Variants in PIK3CG observed in about 807,000 individuals in gnomAD.
The protein encoded by PIK3CG is phosphatidylinositol-4,5-bisphosphate 3-kinase catalytic subunit gamma.
Under a neutral mutation model 102.3 loss-of-function variants are expected in PIK3CG, and 55 were observed. The ratio of observed to expected loss-of-function variants is 0.54; its 90% CI spans 0.43 to 0.67. PIK3CG has a LOEUF of 0.67. PIK3CG is among the 30% of genes least tolerant of loss of function. PIK3CG has a pLI of 0.00. For missense variants in PIK3CG, 1,258 were observed against 1,391.8 expected (o/e 0.90, Z 1.53); for synonymous variants, 552 against 540.0 (o/e 1.02, Z -0.31).
intron 10 of PIK3CG, 39 bp downstream of exon 10, chr7:106,886,331 G>A (rs778369616): frequency 3.7e-6 from 6 of 1,606,478 alleles, no homozygotes; most frequent in East Asian, 2.2e-5. Flanking sequence ...GAATAGCACC[G>A]AAGCAGATGG....
chr7:106,886,563 A>G (rs1042122686), intron 10 of PIK3CG, among the ~76,000 whole-genome samples: 2 of 152,212 alleles, frequency 1.3e-5, no homozygotes, highest in Non-Finnish European at 2.9e-5. Context: ...GTGGAACACC[A>G]GGATGATGCT....
intron 9 of PIK3CG, among the ~76,000 whole-genome samples, chr7:106,885,144 G>A (rs1245816049): frequency 6.6e-6 from 1 of 152,102 alleles, no homozygotes; most frequent in South Asian, 2.1e-4. Flanking sequence ...CCTGTCCATG[G>A]CCCAGGGGTT....
intron 10 of PIK3CG, among the ~76,000 whole-genome samples, chr7:106,887,902 C>G (rs1052316673): frequency 1.3e-5 from 2 of 148,446 alleles, no homozygotes; most frequent in Non-Finnish European, 3.0e-5. Context: ...ATCAGACATA[C>G]GCAAGGAATT....
At position 106,872,543 on chromosome 7, in the gene PIK3CG, A is replaced by G; in HGVS notation, c.2002A>G (p.Lys668Glu). ...HYLLQLVQAV[K>E]FEPYHDSALA... The stretch of plus-strand genomic sequence containing the variant: ...CAATGTGTTCTTCCTTTAGGCTGTG[A>G]AATTTGAACCATACCATGATAGCGC... The change falls in exon 3 of 11, where the codon AAA (lysine) becomes GAA (glutamate). Residue 668 changes from lysine to glutamate, a missense_variant. Lys to Glu is a moderately conservative substitution (Grantham distance 56). This residue lies in a region of PIK3CG where 426 missense variants were observed against 604.2 expected (regional missense o/e 0.71). Coordinates refer to ENST00000496166, the MANE Select transcript of PIK3CG (RefSeq NM_001282426.2). The surrounding 1 kb of genome is among the most constrained non-coding windows in gnomAD (Gnocchi z 5.3). 1 of 1,613,350 alleles carries G rather than the reference A, an allele frequency of 6.2e-7. No individual in the cohort carries two copies. The highest frequency in any genetic ancestry group is 8.5e-7 in the Non-Finnish European group (1 of 1,179,240).
In PIK3CG at chr7:106,890,866, C is replaced by T. The variant is rs1001548142; in HGVS notation, c.3030+4574C>T. On this transcript the variant is annotated intron_variant, in intron 10 of 10. Transcript: ENST00000496166. The surrounding 1 kb of genome is among the most constrained non-coding windows in gnomAD (Gnocchi z 4.2). ...CTGTGGCCTTCCTCCACATCTTCCC[C>T]CATCCCAGCTACCCACTGCTTTCTT... 3.9e-5 allele frequency among the ~76,000 whole-genome samples: 6 copies of T among 152,216 alleles called. No homozygotes were observed. Among genetic ancestry groups the T allele is most frequent in the African/African-American group, 1.2e-4 (5 of 41,454 alleles).
intron 9 of PIK3CG, among the ~76,000 whole-genome samples, chr7:106,885,843 CAG>C (rs2116558300): frequency 6.6e-6 from 1 of 152,128 alleles, no homozygotes; most frequent in South Asian, 2.1e-4. Flanking sequence ...ACATAGTGGC[CAG>C]AGAGTTTGAT....
In PIK3CG at chr7:106,872,140, C is replaced by T. The variant is rs1255762605; in HGVS notation, c.1996-397C>T. On this transcript the variant is annotated intron_variant, in intron 2 of 10. Coordinates refer to ENST00000496166, the MANE Select transcript of PIK3CG (RefSeq NM_001282426.2). This position sits in a 1 kb window ranked among gnomAD's most constrained non-coding sequence, Gnocchi z 5.3. ...ATACTATATCTCCACTGTCCATTTT[C>T]TTTCTCACATTCTCTCTTACCTTCC... Among the ~76,000 whole-genome samples the T allele has an allele frequency of 6.6e-6, 1 of 152,164 alleles. No homozygotes were observed. The highest frequency in any genetic ancestry group is 1.5e-5 in the Non-Finnish European group (1 of 68,018).
intron 5 of PIK3CG, among the ~76,000 whole-genome samples, chr7:106,878,694 C>T (rs547314689): frequency 5.9e-5 from 9 of 152,272 alleles, no homozygotes; most frequent in Admixed American, 3.3e-4. Context: ...CGGCAACTCC[C>T]GTAGCAGCGA....
chr7:106,874,902 G>A lies in PIK3CG; in HGVS notation c.2391+99G>A. 1 of 724,440 alleles carries A rather than the reference G, an allele frequency of 1.4e-6. No homozygotes were observed. The highest frequency in any genetic ancestry group is 2.3e-6 in the Non-Finnish European group (1 of 427,818). The allele number at this position is 724,440 out of a possible 1,614,324, so 44.9% of individuals were successfully genotyped here. A position where few individuals can be genotyped will look rare whatever the true frequency, so the allele number is the denominator to read the frequency against. On this transcript the variant is annotated intron_variant, in intron 5 of 10. Coordinates refer to ENST00000496166, the MANE Select transcript of PIK3CG (RefSeq NM_001282426.2). The surrounding 1 kb of genome is among the most constrained non-coding windows in gnomAD (Gnocchi z 4.3). ...ACTTAAAAGCTAATGTTTATGCAGA[G>A]ACAGGGAAGCTGGAGAGTCTCTGGA...
Position 106,868,152 on chromosome 7 carries a change from C to T in PIK3CG, c.591C>T (p.Ala197=), listed in dbSNP as rs2116432161. The T allele has an allele frequency of 1.2e-6, 2 of 1,613,308 alleles. No individual in the cohort carries two copies. Among genetic ancestry groups the T allele is most frequent in the Non-Finnish European group, 1.7e-6 (2 of 1,180,030 alleles). The change falls in exon 2 of 11, where the codon GCC becomes GCT. Residue 197 remains alanine, a synonymous_variant. Transcript: ENST00000496166. The surrounding 1 kb of genome is among the most constrained non-coding windows in gnomAD (Gnocchi z 6.2). ...CCAGCCGCGACCCCAAGCTCTACGC[C>T]ATGCACCCGTGGGTGACGTCCAAGC... ...EVASRDPKLY[A]MHPWVTSKPL... is the part of the protein sequence containing the mutation.
At position 106,890,329 on chromosome 7, in the gene PIK3CG, C is replaced by T. The variant is rs1206203800; in HGVS notation, c.3030+4037C>T. 6.6e-6 allele frequency among the ~76,000 whole-genome samples: 1 copy of T among 151,984 alleles called. No homozygotes were observed. Among genetic ancestry groups the T allele is most frequent in the Non-Finnish European group, 1.5e-5 (1 of 67,992 alleles). ...TCCAAGTAGCTGGGACTACAGGCGC[C>T]TGCCACCACATCCAGCTAATTTTTC... On this transcript the variant is annotated intron_variant, in intron 10 of 10. Transcript: ENST00000496166. The surrounding 1 kb of genome is among the most constrained non-coding windows in gnomAD (Gnocchi z 4.2).
rs1454870911 is a variant in PIK3CG at position 106,890,146 on chromosome 7, G to GT, written c.3030+3860dup. 1.3e-5 allele frequency among the ~76,000 whole-genome samples: 2 copies of GT among 152,176 alleles called. No homozygotes were observed. The highest frequency in any genetic ancestry group is 2.9e-5 in the Non-Finnish European group (2 of 68,030). On this transcript the variant is annotated intron_variant, in intron 10 of 10. Coordinates refer to ENST00000496166, the MANE Select transcript of PIK3CG (RefSeq NM_001282426.2). This position sits in a 1 kb window ranked among gnomAD's most constrained non-coding sequence, Gnocchi z 4.2. ...TTGGCAAATGAAATTTGGCTTCTAA[G>GT]TTTTTTAAATGTCAGAATGTGTTTT...
In PIK3CG at chr7:106,891,290, C is replaced by A. The variant is rs892721507; in HGVS notation, c.3030+4998C>A. 6.6e-6 allele frequency among the ~76,000 whole-genome samples: 1 copy of A among 152,178 alleles called. No homozygotes were observed. The highest frequency in any genetic ancestry group is 1.5e-5 in the Non-Finnish European group (1 of 68,040). On this transcript the variant is annotated intron_variant, in intron 10 of 10. Coordinates refer to ENST00000496166, the MANE Select transcript of PIK3CG (RefSeq NM_001282426.2). The surrounding 1 kb of genome is among the most constrained non-coding windows in gnomAD (Gnocchi z 4.4). ...AATAACTCAGGCCCAGATTGACAGA[C>A]CATCATCACATGGAAGGTAATAAGC...
In PIK3CG at chr7:106,905,572, A is replaced by G. The variant is rs750722485; in HGVS notation, c.*185A>G. On this transcript the variant is annotated 3_prime_UTR_variant, in exon 11 of 11. Transcript: ENST00000496166. This position sits in a 1 kb window ranked among gnomAD's most constrained non-coding sequence, Gnocchi z 5.6. ...GGCATTGCTGATTGTTTGGTTAAGC[A>G]ATGTCCAGTGCTAGGATTATTTGCA... 14 of 611,630 alleles carry G rather than the reference A, an allele frequency of 2.3e-5. No homozygotes were observed. Among genetic ancestry groups the G allele is most frequent in the Non-Finnish European group, 3.7e-5 (13 of 350,888 alleles). 37.9% of individuals were successfully genotyped at this position (611,630 alleles called of 1,614,324 possible). A position where few individuals can be genotyped will look rare whatever the true frequency, so the allele number is the denominator to read the frequency against.
chr7:106,891,897 C>G lies in PIK3CG; in HGVS notation c.3030+5605C>G, dbSNP rs944322299. 5.3e-5 allele frequency among the ~76,000 whole-genome samples: 8 copies of G among 152,140 alleles called. No homozygotes were observed. The highest frequency in any genetic ancestry group is 8.8e-5 in the Non-Finnish European group (6 of 68,006). ...GCCAGCGTATACCCAAGCCTCCAAC[C>G]TGGAGGCTCAGCCACATGCCCAGTC... On this transcript the variant is annotated intron_variant, in intron 10 of 10. Transcript: ENST00000496166. This position sits in a 1 kb window ranked among gnomAD's most constrained non-coding sequence, Gnocchi z 4.4.
In PIK3CG at chr7:106,903,783, G is replaced by C. The variant is rs1259207542; in HGVS notation, c.3031-1326G>C. On this transcript the variant is annotated intron_variant, in intron 10 of 10. Coordinates refer to ENST00000496166, the MANE Select transcript of PIK3CG (RefSeq NM_001282426.2). The surrounding 1 kb of genome is among the most constrained non-coding windows in gnomAD (Gnocchi z 4.3). Reference sequence around the variant, plus strand: ...TTATTTATTTATTTATTTAGAGACAGAGTCTCACTCTGTTGCCTACTTTGG... The same window carrying C: ...TTATTTATTTATTTATTTAGAGACACAGTCTCACTCTGTTGCCTACTTTGG... Among the ~76,000 whole-genome samples the C allele has an allele frequency of 6.6e-6, 1 of 151,532 alleles. No homozygotes were observed. The highest frequency in any genetic ancestry group is 2.4e-5 in the African/African-American group (1 of 41,210).
At chr7:106,873,627 T>C (rs1390698983) in intron 4 of PIK3CG, among the ~76,000 whole-genome samples, 1 of 152,142 alleles carries the variant, frequency 6.6e-6, no homozygotes, top group African/African-American at 2.4e-5. Flanking sequence ...CTATACCATT[T>C]TATATCAGGG....
rs756732301 is a variant in PIK3CG at position 106,879,588 on chromosome 7, A to G, written c.2461A>G (p.Thr821Ala). 1.2e-6 allele frequency: 2 copies of G among 1,612,686 alleles called. No individual in the cohort carries two copies. Among genetic ancestry groups the G allele is most frequent in the Non-Finnish European group, 1.7e-6 (2 of 1,178,630 alleles). ...GCTTGAGTTTAAATGTGCCGATCCTACAGCCCTATCAAATGAAACAATTGG... is the reference window on the plus strand; with the variant it reads ...GCTTGAGTTTAAATGTGCCGATCCTGCAGCCCTATCAAATGAAACAATTGG... The part of the protein sequence containing the change: ...LWLEFKCADP[T>A]ALSNETIGII... Residue 821 changes from threonine to alanine, a missense_variant, in exon 6 of 11, where the codon ACA (threonine) becomes GCA (alanine). Transcript: ENST00000496166. The surrounding 1 kb of genome is among the most constrained non-coding windows in gnomAD (Gnocchi z 4.9).
At chr7:106,887,403 G>C (rs1162579783) in intron 10 of PIK3CG, among the ~76,000 whole-genome samples, 1 of 152,088 alleles carries the variant, frequency 6.6e-6, no homozygotes, top group African/African-American at 2.4e-5. Flanking sequence ...TCTTTTCCCT[G>C]AGTCTCTTCT....
Sources: gnomAD v4.1 joint callset for allele counts (sites outside exome capture counted in the v4.1 genomes callset) on GRCh38, gnomAD v4.1.1 for gene constraint, gnomAD v4.1.1 regional missense constraint, Gnocchi (gnomAD v3.1) non-coding constraint, MANE v1.5 for transcripts, NCBI Gene and HGNC (gene_info 2026-07-23, HGNC 2026-07-21) for gene names.